FBXO31: variants seen among roughly 807,000 people sequenced by gnomAD.
The protein encoded by FBXO31 is F-box only protein 31.
FBXO31 carries 24 observed loss-of-function variants against 54.4 expected under a neutral mutation model. That is an observed-to-expected ratio of 0.44 (90% CI 0.32 to 0.62). The LOEUF (loss-of-function observed/expected upper bound fraction) is 0.62. FBXO31 is among the 20% of genes least tolerant of loss of function. The probability of loss-of-function intolerance (pLI) is 0.05; values close to 1 mark genes in which losing one functional copy is unlikely to be tolerated. For missense variants in FBXO31, 665 were observed against 787.1 expected (o/e 0.84, Z 1.86); for synonymous variants, 388 against 335.6 (o/e 1.16, Z -1.71).
At chr16:87,364,024 G>A (rs1906249127) in intron 1 of FBXO31, among the ~76,000 whole-genome samples, 1 of 152,220 alleles carries the variant, frequency 6.6e-6, no homozygotes, top group South Asian at 2.1e-4. Flanking sequence ...GGCAGGGCTG[G>A]CGGGGTGAGA....
At position 87,342,864 on chromosome 16, in the gene FBXO31, C is replaced by T. The variant is rs746073195; in HGVS notation, c.732+13G>A. On this transcript the variant is annotated intron_variant, in intron 5 of 8. Transcript: ENST00000311635. ...CCGCACCATATGAACACAGGGCCGGCTGGTGGGCTCACCTCCTGCCTCCCG... is the reference window on the plus strand; with the variant it reads ...CCGCACCATATGAACACAGGGCCGGTTGGTGGGCTCACCTCCTGCCTCCCG... 9.4e-6 allele frequency: 15 copies of T among 1,591,308 alleles called. No homozygotes were observed. In the East Asian group the frequency reaches 2.0e-4, roughly 22 times the overall value.
Position 87,327,922 on chromosome 16 carries a change from G to A in FBXO31, c.*3366C>T, listed in dbSNP as rs1904705547. The A allele has an allele frequency of 1.3e-5, 2 of 152,186 alleles. No homozygotes were observed. Among genetic ancestry groups the A allele is most frequent in the Non-Finnish European group, 2.9e-5 (2 of 68,042 alleles). The allele number at this position is 152,186 out of a possible 1,614,324, so 9.4% of individuals were successfully genotyped here. The stretch of plus-strand genomic sequence containing the variant: ...ACCAGAATAGAAACATCCTAAAAGA[G>A]CCTAGCTGCTTTCTGCAGCACCTTG... On this transcript the variant is annotated 3_prime_UTR_variant, in exon 9 of 9. Transcript: ENST00000311635.
At chr16:87,341,559 G>A (rs1905193898) in intron 5 of FBXO31, among the ~76,000 whole-genome samples, 1 of 151,224 alleles carries the variant, frequency 6.6e-6, no homozygotes, top group Non-Finnish European at 1.5e-5. Flanking sequence ...AGGAGGCTGA[G>A]GCAGTAGAAC....
Position 87,346,346 on chromosome 16 carries a change from G to C in FBXO31, c.489+828C>G, listed in dbSNP as rs1905386715. ...GGGTGGGGGGCATCCAACACGCCTG[G>C]AGATCAGGAGAAAAGGCGGGGGCTA... On this transcript the variant is annotated intron_variant, in intron 3 of 8. Coordinates refer to ENST00000311635, the MANE Select transcript of FBXO31 (RefSeq NM_024735.5). This position sits in a 1 kb window ranked among gnomAD's most constrained non-coding sequence, Gnocchi z 4.2. Among the ~76,000 whole-genome samples, 1 of 152,204 alleles carries C rather than the reference G, an allele frequency of 6.6e-6. No individual in the cohort carries two copies. Among genetic ancestry groups the C allele is most frequent in the Non-Finnish European group, 1.5e-5 (1 of 68,030 alleles).
intron 1 of FBXO31, among the ~76,000 whole-genome samples, chr16:87,368,990 C>G (rs78900971): frequency 5.9e-5 from 9 of 151,928 alleles, no homozygotes; most frequent in Admixed American, 1.3e-4. Flanking sequence ...TTAGTAGTGA[C>G]GGGGTTTCGC....
rs571824181 is a variant in FBXO31, at chr16:87,360,450, G to C, written c.341-84C>G. On this transcript the variant is annotated intron_variant, in intron 1 of 8. Transcript: ENST00000311635. ...GGGCAGGCTGCTGATGGCTGGCAGGGGAGGTGCACACCTAGCCTCAGCCCC... is the reference window on the plus strand; with the variant it reads ...GGGCAGGCTGCTGATGGCTGGCAGGCGAGGTGCACACCTAGCCTCAGCCCC... 1.7e-5 allele frequency: 20 copies of C among 1,166,232 alleles called. No homozygotes were observed. The African/African-American group carries it at 2.7e-4, about 16-fold the overall frequency. The allele number at this position is 1,166,232 out of a possible 1,614,324, so 72.2% of individuals were successfully genotyped here. A position where few individuals can be genotyped will look rare whatever the true frequency, so the allele number is the denominator to read the frequency against.
At chr16:87,363,754 A>T (rs995403842) in intron 1 of FBXO31, among the ~76,000 whole-genome samples, 1 of 152,152 alleles carries the variant, frequency 6.6e-6, no homozygotes, top group Non-Finnish European at 1.5e-5. Context: ...CTCTCAGCAA[A>T]ACCAACACTG....
In FBXO31 at chr16:87,352,316, T is replaced by C. The variant is rs116672160; in HGVS notation, c.413-5066A>G. Among the ~76,000 whole-genome samples, 670 of 152,226 alleles carry C rather than the reference T, an allele frequency of 4.4e-3. 5 individuals carry two copies. The highest frequency in any genetic ancestry group is 0.015 in the African/African-American group (642 of 41,518). ...CAGTTTTTCAGTACCAAAAATTAAA[T>C]AGATGATTTAAAAGATGAGAATGTG... On this transcript the variant is annotated intron_variant, in intron 2 of 8. Transcript: ENST00000311635.
At chr16:87,361,812 C>A (rs1206043482) in intron 1 of FBXO31, among the ~76,000 whole-genome samples, 1 of 152,250 alleles carries the variant, frequency 6.6e-6, no homozygotes, top group Non-Finnish European at 1.5e-5. Flanking sequence ...GTGGCTGCTA[C>A]TCAGCAAACC....
At chr16:87,378,534 G>T (rs1567489865) in intron 1 of FBXO31, among the ~76,000 whole-genome samples, 1 of 152,210 alleles carries the variant, frequency 6.6e-6, no homozygotes, top group Non-Finnish European at 1.5e-5. Context: ...TCTGGGACTT[G>T]CCCATCCATG....
intron 1 of FBXO31, chr16:87,367,215 T>C (rs1484143896): frequency 6.6e-6 from 1 of 152,258 alleles, no homozygotes; most frequent in African/African-American, 2.4e-5. Context: ...AATATGGTGT[T>C]TGTGAATCCA....
At chr16:87,333,749 A>C in intron 8 of FBXO31, 137 bp downstream of exon 8, 1 of 1,330,226 alleles carries the variant, frequency 7.5e-7, no homozygotes, top group Admixed American at 2.4e-5. Flanking sequence ...CAGAGGCCGC[A>C]CTCCTGTCCC....
intron 4 of FBXO31, among the ~76,000 whole-genome samples, chr16:87,343,289 C>A (rs1197914193): frequency 3.9e-5 from 6 of 152,256 alleles, no homozygotes; most frequent in African/African-American, 1.4e-4. Context: ...GATCAGAGAA[C>A]AGAGAGCGCA....
intron 5 of FBXO31, among the ~76,000 whole-genome samples, chr16:87,337,543 T>C (rs1332673524): frequency 1.3e-5 from 2 of 151,832 alleles, no homozygotes; most frequent in Non-Finnish European, 2.9e-5. Flanking sequence ...CAGTATAAGC[T>C]CCCGTCATGA....
At chr16:87,366,163 G>A (rs979716049) in intron 1 of FBXO31, among the ~76,000 whole-genome samples, 1 of 152,178 alleles carries the variant, frequency 6.6e-6, no homozygotes, top group African/African-American at 2.4e-5. Flanking sequence ...TCTGGGAGAA[G>A]AAAAGGATGT....
Position 87,338,332 on chromosome 16 carries a change from C to G in FBXO31, c.733-2068G>C, listed in dbSNP as rs2150670887. 6.6e-6 allele frequency among the ~76,000 whole-genome samples: 1 copy of G among 152,182 alleles called. No homozygotes were observed. Among genetic ancestry groups the G allele is most frequent in the South Asian group, 2.1e-4 (1 of 4,814 alleles). ...CACTCAACACATTGTACTCGCGACCCTCGTGGCAGCGCCGGCAGAGGGGGC... is the reference window on the plus strand; with the variant it reads ...CACTCAACACATTGTACTCGCGACCGTCGTGGCAGCGCCGGCAGAGGGGGC... On this transcript the variant is annotated intron_variant, in intron 5 of 8. Transcript: ENST00000311635. This position sits in a 1 kb window ranked among gnomAD's most constrained non-coding sequence, Gnocchi z 4.3.
rs879607258 is a variant in FBXO31, at chr16:87,376,276, CT to C, written c.340+7128del. ...GAAACTCAATTTTCTTTTTTTCTTT[CT>C]TTTTTTTTTTTGTTAAGACAGAGTC... On this transcript the variant is annotated intron_variant, in intron 1 of 8. Coordinates refer to ENST00000311635, the MANE Select transcript of FBXO31 (RefSeq NM_024735.5). Among the ~76,000 whole-genome samples, 508 of 145,360 alleles carry C rather than the reference CT, an allele frequency of 3.5e-3. 2 individuals carry two copies. The highest frequency in any genetic ancestry group is 9.0e-3 in the African/African-American group (357 of 39,830).
In FBXO31 at chr16:87,338,581, C is replaced by A. The variant is rs1208696260; in HGVS notation, c.733-2317G>T. Among the ~76,000 whole-genome samples, 2 of 152,306 alleles carry A rather than the reference C, an allele frequency of 1.3e-5. No homozygotes were observed. Among genetic ancestry groups the A allele is most frequent in the African/African-American group, 2.4e-5 (1 of 41,556 alleles). On this transcript the variant is annotated intron_variant, in intron 5 of 8. Transcript: ENST00000311635. This position sits in a 1 kb window ranked among gnomAD's most constrained non-coding sequence, Gnocchi z 4.3. ...GTGGGCCCGAGCGTCCCATTTCTCA[C>A]AAGGACCCACGGCTGAGGGAACCCA...
chr16:87,390,322 C>A (rs1907481850), upstream of FBXO31, among the ~76,000 whole-genome samples: 1 of 152,142 alleles, frequency 6.6e-6, no homozygotes, highest in African/African-American at 2.4e-5. Flanking sequence ...TAATAAAGAA[C>A]TACAACTAAC....
Sources: allele counts gnomAD v4.1 joint callset (sites outside exome capture counted in the v4.1 genomes callset), GRCh38; gene constraint gnomAD v4.1.1; non-coding constraint Gnocchi (gnomAD v3.1); transcripts MANE v1.5; gene names NCBI Gene and HGNC (gene_info 2026-07-23, HGNC 2026-07-21).